Variants in ZNF605 observed in about 807,000 individuals in gnomAD.
The protein encoded by ZNF605 is zinc finger protein 605.
A neutral mutation model predicts 7.9 loss-of-function variants in ZNF605; 9 were observed. The ratio of observed to expected loss-of-function variants is 1.14; its 90% confidence interval spans 0.68 to 1.98. The LOEUF (loss-of-function observed/expected upper bound fraction) is 1.98, where lower values mean the gene tolerates loss of function less well. ZNF605 is among the 30% of genes most tolerant of loss of function. The pLI, the probability that ZNF605 is intolerant of heterozygous loss-of-function variation, is 0.00. For synonymous variants in ZNF605, 255 were observed against 260.1 expected, an observed-to-expected ratio of 0.98 and a Z score of 0.19; for missense variants, 673 against 762.4, an observed-to-expected ratio of 0.88 and a Z score of 1.38.
intron 3 of ZNF605, among the ~76,000 whole-genome samples, chr12:132,942,098 G>A (rs1284755716): frequency 1.3e-5 from 2 of 152,056 alleles, no homozygotes; most frequent in African/African-American, 4.8e-5. Context: ...CAGACAGCAC[G>A]TATGAATGAA....
At position 132,927,170 on chromosome 12, in the gene ZNF605, G is replaced by T. The variant is rs1351578963; in HGVS notation, c.137-8C>A. 6 of 1,530,868 alleles carry T rather than the reference G, an allele frequency of 3.9e-6. No individual in the cohort carries two copies. Among genetic ancestry groups the T allele is most frequent in the African/African-American group, 1.4e-5 (1 of 71,606 alleles). 94.8% of individuals were successfully genotyped at this position (1,530,868 alleles called of 1,614,324 possible). A position where few individuals can be genotyped will look rare whatever the true frequency, so the allele number is the denominator to read the frequency against. On this transcript the variant is annotated splice_polypyrimidine_tract_variant and splice_region_variant and intron_variant, in intron 4 of 4. Transcript: ENST00000360187. ...GATTATCTAGCCAGACTTCTAAAAA[G>T]AGAAAAAAATGAACCATACTGTGTA... is the stretch of plus-strand genomic sequence containing the variant.
rs1952247655 is a variant in ZNF605 at position 132,926,350 on chromosome 12, C to T, written c.949G>A (p.Ala317Thr). 1 of 1,614,156 alleles carries T rather than the reference C, an allele frequency of 6.2e-7. No homozygotes were observed. Among genetic ancestry groups the T allele is most frequent in the African/African-American group, 1.3e-5 (1 of 75,046 alleles). The change falls in exon 5 of 5, where the codon GCC (alanine) becomes ACC (threonine). Residue 317 changes from alanine (A) to threonine (T), a missense_variant. By Grantham distance (58) the Ala-to-Thr change is moderately conservative. Transcript: ENST00000360187. Reference protein sequence around the residue: ...KPYPCSHCGKAFFWKSQLITH... With the variant: ...KPYPCSHCGKTFFWKSQLITH... ...ATCAGCTGCGACTTCCAAAAGAAGGCTTTTCCACAGTGACTACATGGATAG... is the reference window on the plus strand; with the variant it reads ...ATCAGCTGCGACTTCCAAAAGAAGGTTTTTCCACAGTGACTACATGGATAG...
intron 1 of ZNF605, among the ~76,000 whole-genome samples, chr12:132,952,809 AC>A (rs1952586368): frequency 6.6e-6 from 1 of 152,100 alleles, no homozygotes; most frequent in Admixed American, 6.6e-5. Flanking sequence ...GTCACAAGCT[AC>A]AAGGAGAGGG....
Position 132,926,634 on chromosome 12 carries a change from T to A in ZNF605, c.665A>T (p.Glu222Val). ...LTVHQRTHSG[E>V]KPHGCSECQK... ...ACATTCGCTGCACCCATGCGGTTTT[T>A]CTCCTGAGTGAGTTCTTTGATGAAC... Residue 222 changes from glutamate to valine, a missense_variant, in exon 5 of 5, where the codon GAA (glutamate) becomes GTA (valine). Physicochemically the swap from Glu to Val is moderately radical, Grantham distance 121. Transcript: ENST00000360187. 1.2e-6 allele frequency: 2 copies of A among 1,614,200 alleles called. No individual in the cohort carries two copies. The highest frequency in any genetic ancestry group is 1.7e-6 in the Non-Finnish European group (2 of 1,180,032).
At chr12:132,940,305 A>G (rs2137147169) in intron 3 of ZNF605, among the ~76,000 whole-genome samples, 1 of 152,294 alleles carries the variant, frequency 6.6e-6, no homozygotes, top group Non-Finnish European at 1.5e-5. Flanking sequence ...TGTGATGTTG[A>G]TGACATGAAC....
At chr12:132,955,608 G>A (rs1394044368) in intron 1 of ZNF605, among the ~76,000 whole-genome samples, 1 of 152,064 alleles carries the variant, frequency 6.6e-6, no homozygotes, top group African/African-American at 2.4e-5. Flanking sequence ...AACCTTCGCT[G>A]TTTTCCAGGA....
chr12:132,929,075 G>C (rs1335758581), intron 4 of ZNF605, among the ~76,000 whole-genome samples: 4 of 151,960 alleles, frequency 2.6e-5, no homozygotes, highest in Non-Finnish European at 5.9e-5. Context: ...TCTTTTCTAG[G>C]GGGGAAAAAG....
chr12:132,940,580 G>A (rs1952426141), intron 3 of ZNF605, among the ~76,000 whole-genome samples: 1 of 152,070 alleles, frequency 6.6e-6, no homozygotes, highest in Non-Finnish European at 1.5e-5. Context: ...CCCAGTCCCT[G>A]ATGGGAACTG....
Position 132,926,023 on chromosome 12 carries a change from A to G in ZNF605, c.1276T>C (p.Cys426Arg). 6.2e-7 allele frequency: 1 copy of G among 1,614,226 alleles called. No homozygotes were observed. Among genetic ancestry groups the G allele is most frequent in the Non-Finnish European group, 8.5e-7 (1 of 1,180,034 alleles). The change falls in exon 5 of 5, where the codon TGT becomes CGT. Residue 426 changes from cysteine (C) to arginine (R), a missense_variant. Cys to Arg is a radical substitution (Grantham distance 180). Coordinates refer to ENST00000360187, the MANE Select transcript of ZNF605 (RefSeq NM_183238.4). Reference protein sequence around the residue: ...LGEKPYGCIQCGKTFFGKSQL... With the variant: ...LGEKPYGCIQRGKTFFGKSQL... ...GACTTCCCAAAGAAGGTTTTCCCACATTGAATGCATCCATATGGTTTCTCT... is the reference window on the plus strand; with the variant it reads ...GACTTCCCAAAGAAGGTTTTCCCACGTTGAATGCATCCATATGGTTTCTCT...
intron 4 of ZNF605, among the ~76,000 whole-genome samples, chr12:132,931,327 C>G (rs951114612): frequency 1.6e-4 from 24 of 152,116 alleles, no homozygotes; most frequent in African/African-American, 5.8e-4. Context: ...ACCACAAATT[C>G]CACAGAGAAC....
At chr12:132,943,248 A>G (rs1952462664) in intron 3 of ZNF605, among the ~76,000 whole-genome samples, 1 of 151,720 alleles carries the variant, frequency 6.6e-6, no homozygotes, top group South Asian at 2.1e-4. Context: ...AGTCCCAGCT[A>G]CTCGGGAGGC....
chr12:132,929,921 C>T (rs1775734589), intron 4 of ZNF605, among the ~76,000 whole-genome samples: 1 of 152,080 alleles, frequency 6.6e-6, no homozygotes, highest in African/African-American at 2.4e-5. Flanking sequence ...CTCCAGCGTG[C>T]CAACAGAGCG....
At chr12:132,952,003 T>C (rs1952577761) in intron 1 of ZNF605, among the ~76,000 whole-genome samples, 1 of 151,930 alleles carries the variant, frequency 6.6e-6, no homozygotes, top group Non-Finnish European at 1.5e-5. Context: ...CACAGTCTCA[T>C]TTACTCGCTA....
intron 1 of ZNF605, among the ~76,000 whole-genome samples, chr12:132,953,305 TC>T (rs1952592095): frequency 1.3e-5 from 2 of 152,068 alleles, no homozygotes; most frequent in East Asian, 3.9e-4. Context: ...CCAGTGACCA[TC>T]CAACAAAGAC....
rs1952218467 is a variant in ZNF605, at chr12:132,923,141, T to C, written c.*2232A>G. 1 of 152,240 alleles carries C rather than the reference T, an allele frequency of 6.6e-6. No homozygotes were observed. The highest frequency in any genetic ancestry group is 6.5e-5 in the Admixed American group (1 of 15,278). The allele number at this position is 152,240 out of a possible 1,614,324, so 9.4% of individuals were successfully genotyped here. ...TATTTAAAAATTCACACTTAAGTGT[T>C]ATCGTCATCACACTTTACTTCTAAA... On this transcript the variant is annotated 3_prime_UTR_variant, in exon 5 of 5. Coordinates refer to ENST00000360187, the MANE Select transcript of ZNF605 (RefSeq NM_183238.4).
At chr12:132,932,851 A>G (rs1378311889) in intron 4 of ZNF605, 184 bp downstream of exon 4, 1 of 1,442,370 alleles carries the variant, frequency 6.9e-7, no homozygotes, top group East Asian at 2.5e-5. Context: ...TGCCTGGGCT[A>G]AGAGTCTTAA....
intron 4 of ZNF605, among the ~76,000 whole-genome samples, chr12:132,927,759 C>G (rs1014649806): frequency 2.0e-5 from 3 of 151,842 alleles, no homozygotes; most frequent in African/African-American, 7.3e-5. Flanking sequence ...CGGGTTCAAG[C>G]GATTCTCCTG....
Position 132,933,560 on chromosome 12 carries a change from C to A in ZNF605, c.16-405G>T, listed in dbSNP as rs947064081. On this transcript the variant is annotated intron_variant, in intron 3 of 4. Transcript: ENST00000360187. The surrounding 1 kb of genome is among the most constrained non-coding windows in gnomAD (Gnocchi z 4.4). ...TCGCTGCAGCCCTTCTCAACACCTTCATCACTGCATCATGTGAGACCCTCA... is the reference window on the plus strand; with the variant it reads ...TCGCTGCAGCCCTTCTCAACACCTTAATCACTGCATCATGTGAGACCCTCA... Among the ~76,000 whole-genome samples the A allele has an allele frequency of 6.6e-6, 1 of 152,202 alleles. No homozygotes were observed. Among genetic ancestry groups the A allele is most frequent in the Non-Finnish European group, 1.5e-5 (1 of 68,044 alleles).
rs141509905 is a variant in ZNF605 at position 132,925,431 on chromosome 12, C to T, written c.1868G>A (p.Gly623Glu). Reference protein sequence around the residue: ...GDKYYGCNECGTTFNRKSQLM... With the variant: ...GDKYYGCNECETTFNRKSQLM... The stretch of plus-strand genomic sequence containing the variant: ...CTGCGACTTCCTGTTGAAGGTGGTC[C>T]CACACTCATTGCATCCATAGTATTT... The change falls in exon 5 of 5, where the codon GGG (glycine) becomes GAG (glutamate). Residue 623 changes from glycine (G) to glutamate (E), a missense_variant. Physicochemically the swap from Gly to Glu is moderately conservative, Grantham distance 98 (BLOSUM62 -2). Coordinates refer to ENST00000360187, the MANE Select transcript of ZNF605 (RefSeq NM_183238.4). 1.8e-4 allele frequency: 290 copies of T among 1,613,406 alleles called. No individual in the cohort carries two copies. The highest frequency in any genetic ancestry group is 2.2e-4 in the Non-Finnish European group (258 of 1,179,520).
Sources: gnomAD v4.1 joint callset for allele counts (sites outside exome capture counted in the v4.1 genomes callset) on GRCh38, gnomAD v4.1.1 for gene constraint, Gnocchi (gnomAD v3.1) non-coding constraint, MANE v1.5 for transcripts, NCBI Gene and HGNC (gene_info 2026-07-23, HGNC 2026-07-21) for gene names.